VPS8: variants seen among roughly 807,000 people sequenced by gnomAD.
VPS8 encodes VPS8 subunit of CORVET complex.
A neutral mutation model predicts 216.4 loss-of-function variants in VPS8; 129 were observed. That is an observed-to-expected ratio of 0.60 (90% CI 0.52 to 0.69). The LOEUF is 0.69. VPS8 is among the 30% of genes least tolerant of loss of function. VPS8 has a pLI of 0.00. For synonymous variants in VPS8, 571 were observed against 565.4 expected (o/e 1.01, Z -0.14); for missense variants, 1,531 against 1,683.5 (o/e 0.91, Z 1.59).
chr3:185,040,547 A>G (rs1305435456), intron 46 of VPS8, among the ~76,000 whole-genome samples: 1 of 151,930 alleles, frequency 6.6e-6, no homozygotes, highest in Non-Finnish European at 1.5e-5. Context: ...CATTTCCTCT[A>G]TCTACTCCAC....
chr3:184,814,054 T>C (rs1715772644), intron 1 of VPS8, among the ~76,000 whole-genome samples: 1 of 152,274 alleles, frequency 6.6e-6, no homozygotes, highest in Non-Finnish European at 1.5e-5. Flanking sequence ...TTCTGTGTTT[T>C]AGCAAGGAAA....
At chr3:184,901,777 A>T (rs540904852) in intron 25 of VPS8, among the ~76,000 whole-genome samples, 1 of 152,016 alleles carries the variant, frequency 6.6e-6, no homozygotes, top group Admixed American at 6.6e-5. Context: ...TTGTGGACAA[A>T]TGTGTTCATT....
chr3:184,929,079 A>C (rs1052785095), intron 32 of VPS8, among the ~76,000 whole-genome samples: 1 of 152,248 alleles, frequency 6.6e-6, no homozygotes, highest in Non-Finnish European at 1.5e-5. Flanking sequence ...TTTTATAAAC[A>C]TAATATTTAG....
chr3:184,855,039 T>G (rs1724988220), intron 13 of VPS8, among the ~76,000 whole-genome samples: 1 of 152,186 alleles, frequency 6.6e-6, no homozygotes, highest in Admixed American at 6.5e-5. Context: ...AGCAGGTCTA[T>G]CCTTTCAGAT....
At chr3:185,014,713 G>C (rs1336422381) in intron 45 of VPS8, among the ~76,000 whole-genome samples, 1 of 151,656 alleles carries the variant, frequency 6.6e-6, no homozygotes, top group Non-Finnish European at 1.5e-5. Context: ...TTTTGTTTTT[G>C]TAACTGCTGT....
chr3:184,983,086 A>G lies in VPS8; in HGVS notation c.3577A>G (p.Ile1193Val). The G allele has an allele frequency of 1.2e-6, 2 of 1,606,530 alleles. No homozygotes were observed. Among genetic ancestry groups the G allele is most frequent in the East Asian group, 2.2e-5 (1 of 44,676 alleles). The change falls in exon 42 of 48, where the codon ATC becomes GTC. Residue 1193 changes from isoleucine to valine, a missense_variant. Around this residue, in one of 3 missense-constraint regions of VPS8, gnomAD observed 1,318 missense variants for 1,468.4 expected, o/e 0.90. Transcript: ENST00000625842. ...FIALPSILQRILQDPVYGKGK... is the reference protein window; with the variant it reads ...FIALPSILQRVLQDPVYGKGK... ...TGCCCTTCCATCAATCTTGCAAAGAATCTTACAGGTGAGTTAAAAGGGGTG... is the reference window on the plus strand; with the variant it reads ...TGCCCTTCCATCAATCTTGCAAAGAGTCTTACAGGTGAGTTAAAAGGGGTG...
chr3:184,850,571 G>T (rs973081039), intron 10 of VPS8, among the ~76,000 whole-genome samples: 5 of 152,110 alleles, frequency 3.3e-5, no homozygotes, highest in African/African-American at 1.2e-4. Context: ...CCTAGTCTTG[G>T]CTTTCTCCTT....
intron 36 of VPS8, among the ~76,000 whole-genome samples, chr3:184,950,216 C>CCT (rs572473474): frequency 5.0e-5 from 2 of 39,930 alleles, no homozygotes; most frequent in African/African-American, 2.1e-4. Flanking sequence ...CAGTTTTCTG[C>CCT]TTTTTTTTTT....
intron 46 of VPS8, among the ~76,000 whole-genome samples, chr3:185,038,791 G>A (rs1370438162): frequency 1.3e-5 from 2 of 152,166 alleles, no homozygotes; most frequent in Admixed American, 6.5e-5. Flanking sequence ...TTGGAAGCAC[G>A]GAGGGGCAGC....
rs756777635 is a variant in VPS8, at chr3:184,915,344, C to T, written c.2263-11C>T. 6.2e-7 allele frequency: 1 copy of T among 1,605,252 alleles called. No individual in the cohort carries two copies. ...TGAGAAAATAATCAACATTTTTTTC[C>T]CAACTTGCAGGTTTTTGAATTTCTA... On this transcript the variant is annotated splice_polypyrimidine_tract_variant and intron_variant, in intron 27 of 47. Transcript: ENST00000625842.
Position 184,869,497 on chromosome 3 carries a change from C to T in VPS8, c.1613C>T (p.Ala538Val), listed in dbSNP as rs1727956071. ...TTCTCTGCAGGATTATCAGGGGATG[C>T]CAGTAAGCGAAAGGCTATTGTTGCA... ...AKAVVGLSGD[A>V]SKRKAIVADR... Residue 538 changes from alanine to valine, a missense_variant, in exon 20 of 48, where the codon GCC becomes GTC. Around this residue, in one of 3 missense-constraint regions of VPS8, gnomAD observed 1,318 missense variants for 1,468.4 expected, o/e 0.90. Transcript: ENST00000625842. 6.2e-7 allele frequency: 1 copy of T among 1,613,288 alleles called. No individual in the cohort carries two copies. Among genetic ancestry groups the T allele is most frequent in the African/African-American group, 1.3e-5 (1 of 74,968 alleles).
chr3:184,882,031 G>GT (rs918854175), intron 21 of VPS8, among the ~76,000 whole-genome samples: 86 of 146,604 alleles, frequency 5.9e-4, no homozygotes, highest in East Asian at 5.9e-4. Context: ...AACAGAGACA[G>GT]TTTTTTTTTT....
intron 42 of VPS8, among the ~76,000 whole-genome samples, chr3:184,990,604 CAGAA>C (rs1751764869): frequency 6.6e-6 from 1 of 152,170 alleles, no homozygotes; most frequent in African/African-American, 2.4e-5. Context: ...AAGTGCCACT[CAGAA>C]AGATCAAATA....
chr3:184,983,512 T>C (rs948052636), intron 42 of VPS8, among the ~76,000 whole-genome samples: 1 of 152,218 alleles, frequency 6.6e-6, no homozygotes, highest in Admixed American at 6.5e-5. Flanking sequence ...CCTAAAATTA[T>C]TTTTGTCTTG....
intron 22 of VPS8, chr3:184,893,448 A>G: frequency 1.2e-6 from 1 of 858,118 alleles, no homozygotes; most frequent in Non-Finnish European, 1.5e-6. Flanking sequence ...TATTTTTTAA[A>G]AAACAGAATG....
At chr3:184,829,306 T>C (rs1262215360) in intron 3 of VPS8, among the ~76,000 whole-genome samples, 1 of 152,160 alleles carries the variant, frequency 6.6e-6, no homozygotes, top group Non-Finnish European at 1.5e-5. Context: ...CTCCTCCTCC[T>C]GGGTTCAAGT....
At chr3:184,958,820 T>C (rs1746032542) in intron 37 of VPS8, among the ~76,000 whole-genome samples, 1 of 152,194 alleles carries the variant, frequency 6.6e-6, no homozygotes, top group Admixed American at 6.5e-5. Flanking sequence ...ATGTTTACTG[T>C]AGTTTTTTTT....
chr3:184,856,777 G>A (rs1404699144), intron 14 of VPS8, among the ~76,000 whole-genome samples: 1 of 152,090 alleles, frequency 6.6e-6, no homozygotes, highest in Non-Finnish European at 1.5e-5. Context: ...TGCCAGGAAA[G>A]TTCTGTGCTA....
At chr3:185,018,932 G>A (rs1473109006) in intron 45 of VPS8, among the ~76,000 whole-genome samples, 1 of 152,136 alleles carries the variant, frequency 6.6e-6, no homozygotes, top group Non-Finnish European at 1.5e-5. Flanking sequence ...AGAAAGATCT[G>A]GAGGATCAAG....
Sources: gnomAD v4.1 joint callset for allele counts (sites outside exome capture counted in the v4.1 genomes callset) on GRCh38, gnomAD v4.1.1 for gene constraint, gnomAD v4.1.1 regional missense constraint, MANE v1.5 for transcripts, NCBI Gene and HGNC (gene_info 2026-07-23, HGNC 2026-07-21) for gene names.